The following SUSD4 variants were observed in gnomAD, a reference collection of about 807,000 sequenced individuals.
SUSD4 encodes the protein sushi domain containing 4.
SUSD4 carries 41 observed loss-of-function variants against 50.5 expected under a neutral mutation model. That is an observed-to-expected ratio of 0.81 (90% CI 0.63 to 1.05). SUSD4 has a LOEUF of 1.05. SUSD4 is among the 50% of genes least tolerant of loss of function. The probability of loss-of-function intolerance (pLI) is 0.00; values close to 1 mark genes in which losing one functional copy is unlikely to be tolerated. For missense variants in SUSD4, 580 were observed against 634.7 expected (o/e 0.91, Z 0.93); for synonymous variants, 257 against 257.3 (o/e 1.00, Z 0.01).
intron 3 of SUSD4, among the ~76,000 whole-genome samples, chr1:223,269,459 A>G (rs531174014): frequency 6.6e-6 from 1 of 152,226 alleles, no homozygotes; most frequent in South Asian, 2.1e-4. Flanking sequence ...CCCACTTCCA[A>G]CTGCATCTAC....
intron 5 of SUSD4, among the ~76,000 whole-genome samples, chr1:223,254,907 T>C (rs1469652194): frequency 1.1e-5 from 1 of 88,224 alleles, no homozygotes; most frequent in African/African-American, 2.8e-5. Context: ...GAACAGTACA[T>C]GGAAATGATA....
intron 5 of SUSD4, among the ~76,000 whole-genome samples, chr1:223,255,368 G>T (rs1358612476): frequency 1.3e-5 from 2 of 152,168 alleles, no homozygotes; most frequent in African/African-American, 2.4e-5. Context: ...GTCTAAAGAG[G>T]TTGGGGGGTG....
chr1:223,291,479 A>T (rs1287652691), intron 3 of SUSD4, among the ~76,000 whole-genome samples: 2 of 124,778 alleles, frequency 1.6e-5, no homozygotes, highest in African/African-American at 7.4e-5. Flanking sequence ...ACAGAGGGAG[A>T]CACTGTCTCA....
At chr1:223,247,949 C>T (rs1357027507) in intron 5 of SUSD4, among the ~76,000 whole-genome samples, 1 of 152,174 alleles carries the variant, frequency 6.6e-6, no homozygotes, top group Non-Finnish European at 1.5e-5. Context: ...TGGTCTGGGT[C>T]TTCACCTTTC....
At position 223,223,573 on chromosome 1, in the gene SUSD4, C is replaced by T. The variant is rs778519980; in HGVS notation, c.1120G>A (p.Val374Ile). Residue 374 changes from valine (V) to isoleucine (I), a missense_variant, in exon 8 of 9, where the codon GTC (valine) becomes ATC (isoleucine). Transcript: ENST00000366878. The stretch of plus-strand genomic sequence containing the variant: ...GCTTCGTCATAGGACGGGAGCATGA[C>T]GGGCACGCCGTCTACCACCACAAAG... ...PDFVVVDGVP[V>I]MLPSYDEAVS... 28 of 1,613,040 alleles carry T rather than the reference C, an allele frequency of 1.7e-5. No individual in the cohort carries two copies. The highest frequency in any genetic ancestry group is 8.0e-5 in the African/African-American group (6 of 74,942).
At chr1:223,336,779 C>A (rs1054899571) in intron 2 of SUSD4, among the ~76,000 whole-genome samples, 3 of 152,086 alleles carry the variant, frequency 2.0e-5, no homozygotes, top group African/African-American at 7.2e-5. Flanking sequence ...TCTTCTGGCT[C>A]CAAATCAAAT....
At chr1:223,287,703 T>C (rs1664235739) in intron 3 of SUSD4, among the ~76,000 whole-genome samples, 1 of 152,146 alleles carries the variant, frequency 6.6e-6, no homozygotes. Context: ...AAATACTTTA[T>C]TCACTTAATA....
chr1:223,337,361 G>C (rs898122265), intron 2 of SUSD4, among the ~76,000 whole-genome samples: 3 of 152,140 alleles, frequency 2.0e-5, no homozygotes, highest in African/African-American at 7.2e-5. Flanking sequence ...TACAATGCAT[G>C]AATGAATGAA....
intron 5 of SUSD4, among the ~76,000 whole-genome samples, chr1:223,252,670 T>G (rs1251167340): frequency 6.6e-6 from 1 of 152,152 alleles, no homozygotes; most frequent in Admixed American, 6.5e-5. Flanking sequence ...TTACTTGTGA[T>G]AGCTTGAACT....
chr1:223,359,745 G>T (rs1294655933), intron 2 of SUSD4, among the ~76,000 whole-genome samples: 1 of 152,134 alleles, frequency 6.6e-6, no homozygotes, highest in Non-Finnish European at 1.5e-5. Flanking sequence ...ATGATAGAGG[G>T]TTACAGCTAG....
At chr1:223,241,131 C>G (rs1035940248) in intron 5 of SUSD4, among the ~76,000 whole-genome samples, 1 of 152,152 alleles carries the variant, frequency 6.6e-6, no homozygotes, top group African/African-American at 2.4e-5. Flanking sequence ...TGATAATACC[C>G]CAGCAGTTTT....
chr1:223,245,611 G>C (rs1036850464), intron 5 of SUSD4, among the ~76,000 whole-genome samples: 2 of 152,176 alleles, frequency 1.3e-5, no homozygotes, highest in Non-Finnish European at 2.9e-5. Context: ...AGTGTGAAGG[G>C]ACACTGCAAA....
chr1:223,233,436 T>C (rs1209260717), intron 5 of SUSD4, among the ~76,000 whole-genome samples: 1 of 152,108 alleles, frequency 6.6e-6, no homozygotes, highest in Non-Finnish European at 1.5e-5. Context: ...ACCCATGGCT[T>C]AGGGGACTTC....
chr1:223,335,777 G>A (rs1460221722), intron 2 of SUSD4, among the ~76,000 whole-genome samples: 1 of 152,182 alleles, frequency 6.6e-6, no homozygotes, highest in African/African-American at 2.4e-5. Context: ...AGCAAACCTA[G>A]CGAAGAGTCA....
chr1:223,265,445 C>A (rs1662427204), intron 4 of SUSD4, among the ~76,000 whole-genome samples: 1 of 152,214 alleles, frequency 6.6e-6, no homozygotes, highest in African/African-American at 2.4e-5. Flanking sequence ...TTGTTAGACA[C>A]AGGCTGCTGG....
chr1:223,231,282 C>G lies in SUSD4; in HGVS notation c.725-1894G>C, dbSNP rs1659881427. Among the ~76,000 whole-genome samples the G allele has an allele frequency of 6.6e-6, 1 of 152,128 alleles. No individual in the cohort carries two copies. The highest frequency in any genetic ancestry group is 2.1e-4 in the South Asian group (1 of 4,826). On this transcript the variant is annotated intron_variant, in intron 5 of 8. Coordinates refer to ENST00000366878, the MANE Select transcript of SUSD4 (RefSeq NM_017982.4). The surrounding 1 kb of genome is among the most constrained non-coding windows in gnomAD (Gnocchi z 4.2). ...CCAGGTGACAAGGGGGTCTGGGAAA[C>G]AGGGTCTGCGGTGGACAGCCTGTCT...
At chr1:223,273,198 A>T (rs150771716) in intron 3 of SUSD4, among the ~76,000 whole-genome samples, 138 of 152,250 alleles carry the variant, frequency 9.1e-4, no homozygotes, top group Middle Eastern at 3.4e-3. Context: ...ACTAAAGAAG[A>T]CCTGTGTATT....
intron 5 of SUSD4, among the ~76,000 whole-genome samples, chr1:223,242,550 C>A (rs1408868438): frequency 6.6e-6 from 1 of 152,242 alleles, no homozygotes; most frequent in African/African-American, 2.4e-5. Context: ...TCACTTTCAT[C>A]CCTGGCCCAG....
At chr1:223,239,958 G>T (rs1558172740) in intron 5 of SUSD4, among the ~76,000 whole-genome samples, 1 of 151,894 alleles carries the variant, frequency 6.6e-6, no homozygotes, top group Non-Finnish European at 1.5e-5. Flanking sequence ...AACATTTCTT[G>T]CAAGGCCTAC....
Sources: gnomAD v4.1 joint callset for allele counts (sites outside exome capture counted in the v4.1 genomes callset) on GRCh38, gnomAD v4.1.1 for gene constraint, Gnocchi (gnomAD v3.1) non-coding constraint, MANE v1.5 for transcripts, NCBI Gene and HGNC (gene_info 2026-07-23, HGNC 2026-07-21) for gene names.